DRC8: variants seen among roughly 807,000 people sequenced by gnomAD.
DRC8 encodes the protein dynein regulatory complex protein 8.
chr1:245,098,119 C>A, the DRC8 span, among the ~76,000 whole-genome samples: 1 of 152,112 alleles, frequency 6.6e-6, no homozygotes. Flanking sequence ...GTAGAAGCAA[C>A]AGGATTTCCC....
the DRC8 span, among the ~76,000 whole-genome samples, chr1:245,031,662 G>A: frequency 6.6e-6 from 1 of 152,172 alleles, no homozygotes; most frequent in Non-Finnish European, 1.5e-5. Flanking sequence ...TGTTACAGCA[G>A]TGGCTGTTAT....
the DRC8 span, among the ~76,000 whole-genome samples, chr1:245,080,003 C>T: frequency 6.6e-6 from 1 of 151,952 alleles, no homozygotes; most frequent in Non-Finnish European, 1.5e-5. Flanking sequence ...ACAATTCTGT[C>T]ATTGAATGCG....
At chr1:245,091,720 C>T in the DRC8 span, 108,657 of 152,176 alleles carry the variant, frequency 0.71, 42,466 homozygotes, top group Non-Finnish European at 0.85. Flanking sequence ...CCAGAAAGCA[C>T]AACATAGACT....
chr1:244,972,700 C>T, the DRC8 span, among the ~76,000 whole-genome samples: 1 of 151,792 alleles, frequency 6.6e-6, no homozygotes, highest in Non-Finnish European at 1.5e-5. Flanking sequence ...CCCTGTAGTC[C>T]CAGCTACTCA....
At chr1:244,993,585 A>T in the DRC8 span, among the ~76,000 whole-genome samples, 1 of 152,206 alleles carries the variant, frequency 6.6e-6, no homozygotes, top group Non-Finnish European at 1.5e-5. Context: ...AAAAAAGAGG[A>T]TGTCTTCGTG....
the DRC8 span, among the ~76,000 whole-genome samples, chr1:245,084,070 C>CCCCCCACCG: frequency 8.4e-6 from 1 of 119,092 alleles, no homozygotes; most frequent in African/African-American, 3.1e-5. Context: ...CCGCCCCCCC[C>CCCCCCACCG]CCGGCGCCCC....
the DRC8 span, among the ~76,000 whole-genome samples, chr1:245,119,460 G>C: frequency 2.0e-5 from 3 of 151,048 alleles, no homozygotes; most frequent in Admixed American, 2.0e-4. Flanking sequence ...GCCAGGAGTT[G>C]GAGACCAGTC....
chr1:245,068,632 G>A, the DRC8 span, among the ~76,000 whole-genome samples: 13 of 150,808 alleles, frequency 8.6e-5, no homozygotes, highest in Non-Finnish European at 1.6e-4. Flanking sequence ...TTTAGAGACG[G>A]GGCCTTGAAA....
the DRC8 span, among the ~76,000 whole-genome samples, chr1:245,100,603 A>G: frequency 4.0e-5 from 6 of 151,818 alleles, no homozygotes; most frequent in Non-Finnish European, 8.8e-5. Flanking sequence ...CAACATGGTG[A>G]AACCCTGTCT....
chr1:244,970,122 C>T, the DRC8 span: 1 of 675,274 alleles, frequency 1.5e-6, no homozygotes, highest in Non-Finnish European at 2.7e-6. Flanking sequence ...GATGAAGCAA[C>T]ATGCTAGGCC....
the DRC8 span, among the ~76,000 whole-genome samples, chr1:245,064,231 T>G: frequency 1.5e-4 from 23 of 152,202 alleles, no homozygotes; most frequent in Middle Eastern, 3.4e-3. Context: ...ATAAAACTAC[T>G]TAGGAATGAA....
the DRC8 span, among the ~76,000 whole-genome samples, chr1:245,076,030 G>A: frequency 2.6e-5 from 4 of 152,152 alleles, no homozygotes; most frequent in Admixed American, 2.6e-4. Flanking sequence ...TGTTGAATGC[G>A]CCTAGCAATT....
chr1:244,972,026 A>C, the DRC8 span, among the ~76,000 whole-genome samples: 1 of 151,600 alleles, frequency 6.6e-6, no homozygotes, highest in African/African-American at 2.4e-5. Flanking sequence ...TATTTTCTTA[A>C]AAAAGACTTG....
At chr1:244,974,617 ATTAC>A in the DRC8 span, among the ~76,000 whole-genome samples, 1,652 of 151,964 alleles carry the variant, frequency 0.011, 33 homozygotes, top group African/African-American at 0.037. Flanking sequence ...TCAGGTGCCT[ATTAC>A]TTTATAAAAA....
At chr1:245,054,391 A>G in the DRC8 span, among the ~76,000 whole-genome samples, 2,379 of 152,098 alleles carry the variant, frequency 0.016, 51 homozygotes, top group African/African-American at 0.054. Context: ...ACCCACTGCA[A>G]TCTAATTTCT....
the DRC8 span, among the ~76,000 whole-genome samples, chr1:244,985,381 A>T: frequency 6.6e-6 from 1 of 152,216 alleles, no homozygotes; most frequent in Admixed American, 6.5e-5. Context: ...TCAAATGAGG[A>T]GCATAGCAGA....
chr1:244,978,966 A>G, the DRC8 span, among the ~76,000 whole-genome samples: 1 of 148,506 alleles, frequency 6.7e-6, no homozygotes, highest in Non-Finnish European at 1.5e-5. Context: ...CTAAGGAGAC[A>G]ATGATACAAT....
the DRC8 span, among the ~76,000 whole-genome samples, chr1:245,070,226 C>A: frequency 6.6e-6 from 1 of 152,082 alleles, no homozygotes; most frequent in Non-Finnish European, 1.5e-5. Context: ...ATTTTCCATG[C>A]CAATATTCTA....
At chr1:245,014,475 T>C in the DRC8 span, among the ~76,000 whole-genome samples, 1 of 152,214 alleles carries the variant, frequency 6.6e-6, no homozygotes, top group African/African-American at 2.4e-5. Flanking sequence ...AAAAGTTTAT[T>C]GCTGTGTTAT....
Sources: gnomAD v4.1 joint callset for allele counts (sites outside exome capture counted in the v4.1 genomes callset) on GRCh38, gnomAD v4.1.1 for gene constraint, MANE v1.5 for transcripts, NCBI Gene and HGNC (gene_info 2026-07-23, HGNC 2026-07-21) for gene names.